The following EFCAB5 variants were observed in gnomAD, a reference collection of about 807,000 sequenced individuals.
EFCAB5 encodes the protein EF-hand calcium-binding domain-containing protein 5.
A neutral mutation model predicts 167.9 loss-of-function variants in EFCAB5; 131 were observed. The ratio of observed to expected loss-of-function variants is 0.78; its 90% confidence interval spans 0.68 to 0.90. The LOEUF (loss-of-function observed/expected upper bound fraction) is 0.90, where lower values mean the gene tolerates loss of function less well. Ranked by LOEUF, EFCAB5 falls within the 40% of genes least tolerant of loss-of-function variation. EFCAB5 has a pLI of 0.00. For missense variants in EFCAB5, 1,663 were observed against 1,745.2 expected (o/e 0.95, Z 0.84); for synonymous variants, 574 against 602.8 (o/e 0.95, Z 0.70).
chr17:29,934,384 G>T (rs1425405536), intron 1 of EFCAB5, among the ~76,000 whole-genome samples: 1 of 152,074 alleles, frequency 6.6e-6, no homozygotes, highest in Non-Finnish European at 1.5e-5. Context: ...CACTTTTTGT[G>T]TCAAGTATCT....
Position 30,053,928 on chromosome 17 carries a change from G to T in EFCAB5, c.1974G>T (p.Glu658Asp). 6.2e-7 allele frequency: 1 copy of T among 1,613,998 alleles called. No homozygotes were observed. The highest frequency in any genetic ancestry group is 8.5e-7 in the Non-Finnish European group (1 of 1,179,896). Residue 658 changes from glutamate (E) to aspartate (D), a missense_variant, in exon 10 of 23, where the codon GAG becomes GAT. By Grantham distance (45) the Glu-to-Asp change is conservative. Transcript: ENST00000394835. ...YQKSEQGPYG[E>D]IISEEQEDIG... ...AATCAGAACAAGGACCTTATGGAGA[G>T]ATAATTTCAGAAGAGCAAGAAGACA...
At chr17:30,094,517 A>AT (rs2071258546) in intron 22 of EFCAB5, among the ~76,000 whole-genome samples, 1 of 148,470 alleles carries the variant, frequency 6.7e-6, no homozygotes, top group African/African-American at 2.5e-5. Context: ...CAAAAAAAAA[A>AT]AAAAAAAAAA....
intron 7 of EFCAB5, among the ~76,000 whole-genome samples, chr17:30,023,349 A>C (rs1303663226): frequency 1.3e-5 from 2 of 152,034 alleles, no homozygotes; most frequent in African/African-American, 4.8e-5. Flanking sequence ...TAAAGGGGAT[A>C]TCACCACCGA....
At chr17:29,957,434 A>G (rs190342719) in intron 3 of EFCAB5, among the ~76,000 whole-genome samples, 136 of 152,262 alleles carry the variant, frequency 8.9e-4, no homozygotes, top group African/African-American at 3.2e-3. Flanking sequence ...TCACCTAGGT[A>G]TTAAGCCCCA....
rs2070001342 is a variant in EFCAB5, at chr17:30,048,819, C to T, written c.1201-2299C>T. Among the ~76,000 whole-genome samples, 2 of 152,142 alleles carry T rather than the reference C, an allele frequency of 1.3e-5. 1 individual carries two copies. Among genetic ancestry groups the T allele is most frequent in the South Asian group, 4.1e-4 (2 of 4,822 alleles). ...TTGAAGAATGTAGATTACTGTGGCT[C>T]TATTTACATGGCTATTCCAGGTGTG... On this transcript the variant is annotated intron_variant, in intron 8 of 22. Transcript: ENST00000394835.
chr17:29,970,637 G>C (rs367804664), intron 4 of EFCAB5, among the ~76,000 whole-genome samples: 34 of 138,660 alleles, frequency 2.5e-4, no homozygotes, highest in Non-Finnish European at 2.9e-4. Flanking sequence ...CTCAAAAACA[G>C]ACACACACAC....
intron 4 of EFCAB5, among the ~76,000 whole-genome samples, chr17:29,992,175 T>G (rs1465836076): frequency 6.6e-6 from 1 of 152,218 alleles, no homozygotes; most frequent in Non-Finnish European, 1.5e-5. Context: ...TTCTACTCTC[T>G]GCTTCTATGT....
chr17:29,960,814 G>C (rs2067706793), intron 3 of EFCAB5, among the ~76,000 whole-genome samples: 1 of 152,018 alleles, frequency 6.6e-6, no homozygotes, highest in African/African-American at 2.4e-5. Context: ...GTCATATGTA[G>C]TTCTAGGTTT....
intron 3 of EFCAB5, among the ~76,000 whole-genome samples, chr17:29,960,357 G>A (rs1051814864): frequency 1.3e-5 from 2 of 152,144 alleles, no homozygotes; most frequent in African/African-American, 4.8e-5. Flanking sequence ...GGTTCAATGT[G>A]GTGTTCCTGT....
At chr17:30,089,329 G>A (rs1394024800) in intron 19 of EFCAB5, among the ~76,000 whole-genome samples, 1 of 152,108 alleles carries the variant, frequency 6.6e-6, no homozygotes, top group Non-Finnish European at 1.5e-5. Context: ...ACAAAGTGGT[G>A]GCTCAGCAGC....
chr17:30,093,772 C>T (rs929150408), intron 22 of EFCAB5, among the ~76,000 whole-genome samples: 1 of 152,196 alleles, frequency 6.6e-6, no homozygotes, highest in African/African-American at 2.4e-5. Context: ...CAATCACCAC[C>T]GCCAAGCCTT....
rs1263749405 is a variant in EFCAB5 at position 30,092,136 on chromosome 17, A to C, written c.4203A>C (p.Gly1401=). The part of the protein sequence containing the change: ...HPELEFSSDF[G]SWDKCKFYVN... ...AGTTGGAATTTTCAAGTGACTTTGG[A>C]AGTTGGGATAAGTGTAAATTTGTAA... The change falls in exon 21 of 23, where the codon GGA becomes GGC. Residue 1401 remains glycine, a synonymous_variant. Transcript: ENST00000394835. The C allele has an allele frequency of 4.3e-6, 7 of 1,612,848 alleles. No homozygotes were observed. The highest frequency in any genetic ancestry group is 5.9e-6 in the Non-Finnish European group (7 of 1,179,270).
chr17:30,084,794 C>A (rs2071055294), intron 18 of EFCAB5, among the ~76,000 whole-genome samples: 3 of 152,134 alleles, frequency 2.0e-5, no homozygotes, highest in African/African-American at 7.2e-5. Context: ...TTGCATTTGT[C>A]CAATGACAGC....
chr17:30,057,006 C>T (rs774967921), intron 12 of EFCAB5, among the ~76,000 whole-genome samples: 21 of 152,072 alleles, frequency 1.4e-4, no homozygotes, highest in African/African-American at 1.2e-4. Context: ...ATAAATCAAA[C>T]GGAAGTCACT....
intron 3 of EFCAB5, among the ~76,000 whole-genome samples, chr17:29,951,383 G>A (rs1567673690): frequency 6.6e-6 from 1 of 152,042 alleles, no homozygotes; most frequent in Non-Finnish European, 1.5e-5. Context: ...TGTCTCCCAG[G>A]CTGGAGTGCA....
chr17:30,015,649 C>A (rs570109733), intron 7 of EFCAB5, among the ~76,000 whole-genome samples: 13 of 151,804 alleles, frequency 8.6e-5, no homozygotes, highest in African/African-American at 3.1e-4. Flanking sequence ...TTATAGCCAT[C>A]TTTATGGGCA....
At chr17:30,003,099 C>G (rs113246325) in intron 7 of EFCAB5, among the ~76,000 whole-genome samples, 5 of 104,384 alleles carry the variant, frequency 4.8e-5, no homozygotes, top group Middle Eastern at 5.6e-3. Flanking sequence ...TTTTTTGTAG[C>G]GGGGGGGGGG....
At chr17:30,029,838 T>A (rs2069431682) in intron 7 of EFCAB5, among the ~76,000 whole-genome samples, 1 of 152,186 alleles carries the variant, frequency 6.6e-6, no homozygotes, top group Admixed American at 6.5e-5. Context: ...TACAATTAAA[T>A]AAGTATGAAT....
At chr17:30,086,486 C>T (rs1455390087) in intron 18 of EFCAB5, among the ~76,000 whole-genome samples, 1 of 152,050 alleles carries the variant, frequency 6.6e-6, no homozygotes, top group Non-Finnish European at 1.5e-5. Context: ...TGGCTCACAC[C>T]TGTAATCCCA....
Sources: allele counts gnomAD v4.1 joint callset (sites outside exome capture counted in the v4.1 genomes callset), GRCh38; gene constraint gnomAD v4.1.1; transcripts MANE v1.5; gene names NCBI Gene and HGNC (gene_info 2026-07-23, HGNC 2026-07-21).